Variants in GALNT13 observed in about 807,000 individuals in gnomAD.
GALNT13 encodes the protein UDP-GalNAc:polypeptide N-acetylgalactosaminyltransferase 13.
A neutral mutation model predicts 64.2 loss-of-function variants in GALNT13; 28 were observed. That is an observed-to-expected ratio of 0.44 (90% CI 0.32 to 0.60). The LOEUF (loss-of-function observed/expected upper bound fraction) is 0.60. Among genes scored for constraint, GALNT13 ranks in the 20% least tolerant of loss-of-function variants. The pLI is 0.05. For missense variants in GALNT13, 577 were observed against 669.8 expected, an observed-to-expected ratio of 0.86 and a Z score of 1.53; for synonymous variants, 214 against 224.6, an observed-to-expected ratio of 0.95 and a Z score of 0.42.
At chr2:153,669,840 C>T in the GALNT13 span, among the ~76,000 whole-genome samples, 1 of 152,108 alleles carries the variant, frequency 6.6e-6, no homozygotes, top group African/African-American at 2.4e-5. Flanking sequence ...TTCCCACAGT[C>T]TTTGCAGCCA....
At chr2:153,236,348 G>A in the GALNT13 span, among the ~76,000 whole-genome samples, 1 of 152,134 alleles carries the variant, frequency 6.6e-6, no homozygotes, top group Non-Finnish European at 1.5e-5. Flanking sequence ...TTTTAATGTA[G>A]ATGGAACAGC....
the GALNT13 span, among the ~76,000 whole-genome samples, chr2:153,412,156 A>G: frequency 6.6e-6 from 1 of 152,152 alleles, no homozygotes; most frequent in Non-Finnish European, 1.5e-5. Flanking sequence ...TCAAGCTTGC[A>G]GACAGCCTAT....
intron 9 of GALNT13, among the ~76,000 whole-genome samples, chr2:154,335,262 A>G (rs1451735220): frequency 6.6e-6 from 1 of 152,002 alleles, no homozygotes; most frequent in Non-Finnish European, 1.5e-5. Flanking sequence ...TTTGACAGCA[A>G]AAGGCATTAT....
the GALNT13 span, among the ~76,000 whole-genome samples, chr2:153,107,433 T>C: frequency 6.6e-6 from 1 of 152,188 alleles, no homozygotes; most frequent in Non-Finnish European, 1.5e-5. Flanking sequence ...TGAGAATCTC[T>C]GTTTTTTAAA....
At chr2:153,960,601 G>T (rs186883224) in intron 3 of GALNT13, among the ~76,000 whole-genome samples, 1 of 152,142 alleles carries the variant, frequency 6.6e-6, no homozygotes, top group East Asian at 1.9e-4. Flanking sequence ...GGTGGTAATC[G>T]TTGGGTCATT....
chr2:154,205,716 G>C (rs1226496699), intron 4 of GALNT13, among the ~76,000 whole-genome samples: 1 of 152,038 alleles, frequency 6.6e-6, no homozygotes, highest in Non-Finnish European at 1.5e-5. Context: ...TCTTTCAGGG[G>C]AACTCCCATT....
chr2:153,297,072 A>T, the GALNT13 span, among the ~76,000 whole-genome samples: 5 of 152,220 alleles, frequency 3.3e-5, no homozygotes, highest in Non-Finnish European at 7.3e-5. Flanking sequence ...AGACTCTAGG[A>T]TGCCATCAGC....
chr2:153,990,604 C>G (rs1243358427), intron 3 of GALNT13, among the ~76,000 whole-genome samples: 1 of 152,122 alleles, frequency 6.6e-6, no homozygotes, highest in African/African-American at 2.4e-5. Context: ...GAATGTGTTT[C>G]AGAGTCTGGC....
At chr2:153,775,068 C>A in the GALNT13 span, among the ~76,000 whole-genome samples, 53,994 of 151,974 alleles carry the variant, frequency 0.36, 10,134 homozygotes, top group African/African-American at 0.43. Flanking sequence ...TAGAAAGATA[C>A]ATATTGCCTT....
At chr2:153,401,057 G>A in the GALNT13 span, among the ~76,000 whole-genome samples, 1 of 151,424 alleles carries the variant, frequency 6.6e-6, no homozygotes, top group Non-Finnish European at 1.5e-5. Context: ...TCTCTTGTGG[G>A]CATTTAGTGC....
the GALNT13 span, among the ~76,000 whole-genome samples, chr2:153,793,164 G>C: frequency 6.6e-6 from 1 of 151,706 alleles, no homozygotes; most frequent in African/African-American, 2.4e-5. Flanking sequence ...AGTAGAGACG[G>C]GGTTTCACCA....
At chr2:153,718,052 C>T in the GALNT13 span, among the ~76,000 whole-genome samples, 5 of 151,904 alleles carry the variant, frequency 3.3e-5, no homozygotes, top group Non-Finnish European at 5.9e-5. Flanking sequence ...GAATATGGCT[C>T]ACCTCTTCTT....
chr2:153,789,471 A>G, the GALNT13 span, among the ~76,000 whole-genome samples: 1 of 152,152 alleles, frequency 6.6e-6, no homozygotes, highest in Non-Finnish European at 1.5e-5. Flanking sequence ...ATAGTACTAA[A>G]TGCCCACACC....
the GALNT13 span, among the ~76,000 whole-genome samples, chr2:153,406,933 A>C: frequency 6.6e-6 from 1 of 152,152 alleles, no homozygotes. Flanking sequence ...TAAAACTGTA[A>C]GTCTAAATCA....
chr2:154,230,276 G>T (rs1688846879), intron 4 of GALNT13, among the ~76,000 whole-genome samples: 1 of 152,052 alleles, frequency 6.6e-6, no homozygotes, highest in African/African-American at 2.4e-5. Context: ...ATGAATTGCA[G>T]GAGGAAGTTT....
At chr2:154,146,355 A>G (rs143288668) in intron 4 of GALNT13, among the ~76,000 whole-genome samples, 111 of 152,094 alleles carry the variant, frequency 7.3e-4, no homozygotes, top group African/African-American at 2.5e-3. Context: ...CATGCCACAT[A>G]ACCTTTATTT....
At chr2:153,723,397 A>G in the GALNT13 span, among the ~76,000 whole-genome samples, 1 of 150,540 alleles carries the variant, frequency 6.6e-6, no homozygotes, top group Admixed American at 6.6e-5. Context: ...CGGGCACAAG[A>G]CAGGGATGCC....
downstream of GALNT13, among the ~76,000 whole-genome samples, chr2:154,456,540 T>A (rs1287915446): frequency 6.6e-6 from 1 of 152,128 alleles, no homozygotes; most frequent in African/African-American, 2.4e-5. Context: ...AATAAATGAT[T>A]AAGTGCCTAT....
chr2:153,638,136 G>A, the GALNT13 span, among the ~76,000 whole-genome samples: 1 of 152,120 alleles, frequency 6.6e-6, no homozygotes, highest in South Asian at 2.1e-4. Context: ...TATAATGTAT[G>A]TTTGGGGTGG....
Sources: gnomAD v4.1 joint callset for allele counts (sites outside exome capture counted in the v4.1 genomes callset) on GRCh38, gnomAD v4.1.1 for gene constraint, MANE v1.5 for transcripts, NCBI Gene and HGNC (gene_info 2026-07-23, HGNC 2026-07-21) for gene names.